The following SMIM13 variants were observed in gnomAD, a reference collection of about 807,000 sequenced individuals.
The protein encoded by SMIM13 is UPF0766 protein C6orf228.
Under a neutral mutation model 5.9 loss-of-function variants are expected in SMIM13, and 3 were observed. That is an observed-to-expected ratio of 0.51 (90% CI 0.23 to 1.31). SMIM13 has a LOEUF of 1.31. Among genes scored for constraint, SMIM13 ranks in the 40% most tolerant of loss-of-function variants. SMIM13 has a pLI of 0.18. For missense variants in SMIM13, 85 were observed against 109.9 expected (o/e 0.77, Z 1.01); for synonymous variants, 55 against 46.0 (o/e 1.19, Z -0.79).
Position 11,094,304 on chromosome 6 carries a change from T to TG in SMIM13, c.-9dup. ...AGCCGCCCCGAGCCGACTGCCCTTC[T>TG]GCCCCCAAGATGTGGCACAGCGTCG... On this transcript the variant is annotated 5_prime_UTR_variant, in exon 1 of 2. Transcript: ENST00000416247. The TG allele has an allele frequency of 6.8e-7, 1 of 1,469,306 alleles. No individual in the cohort carries two copies. Among genetic ancestry groups the TG allele is most frequent in the Non-Finnish European group, 9.0e-7 (1 of 1,105,582 alleles). 91.0% of individuals were successfully genotyped at this position (1,469,306 alleles called of 1,614,324 possible). A position where few individuals can be genotyped will look rare whatever the true frequency, so the allele number is the denominator to read the frequency against.
At chr6:11,119,216 GAGAC>G (rs531153064) in intron 1 of SMIM13, among the ~76,000 whole-genome samples, 173 of 152,310 alleles carry the variant, frequency 1.1e-3, no homozygotes, top group African/African-American at 3.9e-3. Flanking sequence ...CTGTTGGATG[GAGAC>G]AGACAGCAGA....
chr6:11,112,115 C>A (rs1758175857), intron 1 of SMIM13, among the ~76,000 whole-genome samples: 1 of 152,094 alleles, frequency 6.6e-6, no homozygotes, highest in Non-Finnish European at 1.5e-5. Flanking sequence ...TTTAGAGAAA[C>A]AGTGTAACAA....
At chr6:11,124,765 T>A (rs1758354736) in intron 1 of SMIM13, among the ~76,000 whole-genome samples, 1 of 152,200 alleles carries the variant, frequency 6.6e-6, no homozygotes, top group Admixed American at 6.5e-5. Context: ...TCTCTGATGA[T>A]CAGTGATGTT....
intron 1 of SMIM13, among the ~76,000 whole-genome samples, chr6:11,108,104 C>T (rs1758113904): frequency 6.6e-6 from 1 of 152,186 alleles, no homozygotes; most frequent in South Asian, 2.1e-4. Context: ...AGCAAAATAT[C>T]TCTACCCAAA....
chr6:11,121,788 C>A (rs1758313358), intron 1 of SMIM13, among the ~76,000 whole-genome samples: 1 of 152,196 alleles, frequency 6.6e-6, no homozygotes, highest in Non-Finnish European at 1.5e-5. Flanking sequence ...GAGCAAGATA[C>A]AGTCATTCTT....
intron 1 of SMIM13, among the ~76,000 whole-genome samples, chr6:11,106,740 C>T (rs927656585): frequency 1.3e-5 from 2 of 152,182 alleles, no homozygotes; most frequent in African/African-American, 4.8e-5. Context: ...AGTTAGCTAA[C>T]CTATTTCCCT....
intron 1 of SMIM13, among the ~76,000 whole-genome samples, chr6:11,094,593 G>A (rs939250199): frequency 5.9e-5 from 9 of 152,222 alleles, no homozygotes; most frequent in Non-Finnish European, 1.0e-4. Context: ...ATCCTGGGGA[G>A]GGAAAGGACA....
chr6:11,104,996 C>T, intron 1 of SMIM13: 1 of 1,614,180 alleles, frequency 6.2e-7, no homozygotes, highest in Non-Finnish European at 8.5e-7. Flanking sequence ...TGGGAGGTTT[C>T]TGGCGGATAT....
chr6:11,119,596 G>A (rs1472674805), intron 1 of SMIM13, among the ~76,000 whole-genome samples: 2 of 152,020 alleles, frequency 1.3e-5, no homozygotes, highest in Admixed American at 1.3e-4. Flanking sequence ...GGAGCTTGCA[G>A]TGAGCCCAGA....
chr6:11,134,335 C>A, intron 1 of SMIM13, 68 bp from the exon 2 acceptor site: 1 of 1,172,432 alleles, frequency 8.5e-7, no homozygotes, highest in Non-Finnish European at 1.2e-6. Context: ...CCCCCATTAA[C>A]TGTAACATTC....
At chr6:11,098,981 A>G (rs1305284355) in intron 1 of SMIM13, among the ~76,000 whole-genome samples, 1 of 152,130 alleles carries the variant, frequency 6.6e-6, no homozygotes, top group East Asian at 1.9e-4. Flanking sequence ...GTACTTGCCT[A>G]CTTGCCCTTA....
chr6:11,127,359 T>C (rs978918053), intron 1 of SMIM13, among the ~76,000 whole-genome samples: 1 of 152,200 alleles, frequency 6.6e-6, no homozygotes, highest in Non-Finnish European at 1.5e-5. Context: ...CAGTCTTCCC[T>C]TTCCTCAAAC....
intron 1 of SMIM13, among the ~76,000 whole-genome samples, chr6:11,132,845 A>C (rs1022617312): frequency 6.6e-6 from 1 of 152,192 alleles, no homozygotes; most frequent in African/African-American, 2.4e-5. Context: ...GGACTTCAGT[A>C]GTGGTGACGG....
intron 1 of SMIM13, among the ~76,000 whole-genome samples, chr6:11,123,066 A>G (rs114943873): frequency 6.6e-6 from 1 of 152,016 alleles, no homozygotes; most frequent in Non-Finnish European, 1.5e-5. Flanking sequence ...AAAAACATCC[A>G]TGTCCTCTCA....
rs1382665604 is a variant in SMIM13 at position 11,104,691 on chromosome 6, A to G, written c.76+10302A>G. The G allele has an allele frequency of 1.2e-6, 2 of 1,614,224 alleles. No homozygotes were observed. The highest frequency in any genetic ancestry group is 2.7e-5 in the African/African-American group (2 of 75,050). On this transcript the variant is annotated intron_variant, in intron 1 of 1. Transcript: ENST00000416247. ...ACATTGGTTATAATCAGCAGGCCGG[A>G]ACCAGAAGTTTCGAGTACTGCATGA...
At chr6:11,118,025 C>A (rs922433206) in intron 1 of SMIM13, among the ~76,000 whole-genome samples, 1 of 152,172 alleles carries the variant, frequency 6.6e-6, no homozygotes, top group African/African-American at 2.4e-5. Flanking sequence ...TGCATGCCAC[C>A]ATTCCTGGCC....
intron 1 of SMIM13, among the ~76,000 whole-genome samples, chr6:11,116,421 C>G (rs772145250): frequency 6.6e-6 from 1 of 152,222 alleles, no homozygotes; most frequent in Non-Finnish European, 1.5e-5. Context: ...ATTGGGATTA[C>G]TAGAGTGTGT....
At chr6:11,100,295 C>T (rs534940263) in intron 1 of SMIM13, among the ~76,000 whole-genome samples, 9 of 152,222 alleles carry the variant, frequency 5.9e-5, no homozygotes, top group African/African-American at 2.2e-4. Flanking sequence ...CTGCTGACCT[C>T]GTGATCCACC....
chr6:11,115,231 T>G (rs539004727), intron 1 of SMIM13, among the ~76,000 whole-genome samples: 1 of 152,198 alleles, frequency 6.6e-6, no homozygotes, highest in Non-Finnish European at 1.5e-5. Flanking sequence ...CAAATTCCCA[T>G]AAATTTAGCA....
Sources: allele counts gnomAD v4.1 joint callset (sites outside exome capture counted in the v4.1 genomes callset), GRCh38; gene constraint gnomAD v4.1.1; transcripts MANE v1.5; gene names NCBI Gene and HGNC (gene_info 2026-07-23, HGNC 2026-07-21).